CHD1: variants seen among roughly 807,000 people sequenced by gnomAD.
CHD1 encodes chromodomain helicase DNA binding protein 1.
Under a neutral mutation model 224.2 loss-of-function variants are expected in CHD1, and 36 were observed. The ratio of observed to expected loss-of-function variants is 0.16; its 90% CI spans 0.12 to 0.21. CHD1 has a LOEUF of 0.21. Among genes scored for constraint, CHD1 ranks in the 10% least tolerant of loss-of-function variants. The probability of loss-of-function intolerance (pLI) is 1.00; values close to 1 mark genes in which losing one functional copy is unlikely to be tolerated. For missense variants in CHD1, 1,378 were observed against 1,994.8 expected, an observed-to-expected ratio of 0.69 and a Z score of 5.89; for synonymous variants, 668 against 658.3, an observed-to-expected ratio of 1.01 and a Z score of -0.23.
intron 2 of CHD1, among the ~76,000 whole-genome samples, chr5:98,915,277 T>C (rs1752664965): frequency 6.6e-6 from 1 of 152,240 alleles, no homozygotes; most frequent in Admixed American, 6.5e-5. Context: ...CAACAGTTCC[T>C]TTCAGCATTC....
intron 18 of CHD1, among the ~76,000 whole-genome samples, chr5:98,883,450 T>C (rs973290986): frequency 5.3e-5 from 8 of 151,944 alleles, no homozygotes; most frequent in East Asian, 1.9e-4. Flanking sequence ...GAAAACGGGA[T>C]AGGAAAGGAA....
At chr5:98,865,974 G>A (rs1476786327) in intron 31 of CHD1, among the ~76,000 whole-genome samples, 1 of 152,042 alleles carries the variant, frequency 6.6e-6, no homozygotes, top group Non-Finnish European at 1.5e-5. Context: ...GGTGGCAAGA[G>A]ATACAATTTC....
At chr5:98,898,578 T>A in intron 9 of CHD1, 86 bp downstream of exon 9, 1 of 1,216,766 alleles carries the variant, frequency 8.2e-7, no homozygotes, top group Non-Finnish European at 1.2e-6. Context: ...GCTACTGTGT[T>A]TGATATGTAA....
At chr5:98,884,234 C>T (rs1750473676) in intron 18 of CHD1, among the ~76,000 whole-genome samples, 3 of 151,838 alleles carry the variant, frequency 2.0e-5, no homozygotes, top group Admixed American at 2.0e-4. Context: ...CCACTACGCC[C>T]AGCTAATTTT....
At position 98,856,339 on chromosome 5, in the gene CHD1, G is replaced by C. The variant is rs564481901; in HGVS notation, c.*41C>G. On this transcript the variant is annotated 3_prime_UTR_variant, in exon 36 of 36. Transcript: ENST00000614616. The stretch of plus-strand genomic sequence containing the variant: ...ATTACTGTGTTGGTTTATGATATAT[G>C]GCTAAAAGAAAAGTCCAGAAAGACG... 1 of 1,470,494 alleles carries C rather than the reference G, an allele frequency of 6.8e-7. No homozygotes were observed. Among genetic ancestry groups the C allele is most frequent in the Non-Finnish European group, 9.5e-7 (1 of 1,057,194 alleles). The allele number at this position is 1,470,494 out of a possible 1,614,324, so 91.1% of individuals were successfully genotyped here. A position where few individuals can be genotyped will look rare whatever the true frequency, so the allele number is the denominator to read the frequency against.
At chr5:98,891,467 G>A (rs774469600) in intron 15 of CHD1, among the ~76,000 whole-genome samples, 3 of 152,160 alleles carry the variant, frequency 2.0e-5, no homozygotes, top group Non-Finnish European at 4.4e-5. Context: ...GACAGGTACT[G>A]AGGGAAATGG....
intron 25 of CHD1, 141 bp downstream of exon 25, chr5:98,874,931 A>G (rs1361370598): frequency 1.1e-5 from 6 of 564,352 alleles, no homozygotes; most frequent in Non-Finnish European, 1.6e-5. Flanking sequence ...ACAATCTGAA[A>G]TTTCCCTTGT....
At chr5:98,922,056 G>C (rs1191465937) in intron 2 of CHD1, among the ~76,000 whole-genome samples, 2 of 152,098 alleles carry the variant, frequency 1.3e-5, no homozygotes, top group Admixed American at 6.6e-5. Context: ...AGGAGGCAGA[G>C]GCAGAAAACT....
At chr5:98,905,246 T>C (rs1343185275) in intron 2 of CHD1, 148 bp from the exon 3 acceptor site, 2 of 881,494 alleles carry the variant, frequency 2.3e-6, no homozygotes, top group African/African-American at 1.7e-5. Context: ...AAGGAATTGA[T>C]TTAATCTATA....
chr5:98,854,284 G>A lies in CHD1; in HGVS notation c.*2096C>T, dbSNP rs1302623886. 1 of 151,918 alleles carries A rather than the reference G, an allele frequency of 6.6e-6. No homozygotes were observed. Among genetic ancestry groups the A allele is most frequent in the Non-Finnish European group, 1.5e-5 (1 of 67,900 alleles). 9.4% of individuals were successfully genotyped at this position (151,918 alleles called of 1,614,324 possible). A position where few individuals can be genotyped will look rare whatever the true frequency, so the allele number is the denominator to read the frequency against. On this transcript the variant is annotated 3_prime_UTR_variant, in exon 36 of 36. Transcript: ENST00000614616. The stretch of plus-strand genomic sequence containing the variant: ...AGCTGACTGAAACTTTCAACTAAAT[G>A]TAGCACTATTTAAAAAATTAGAGCC...
intron 23 of CHD1, 132 bp from the exon 24 acceptor site, chr5:98,876,690 T>A (rs549174687): frequency 4.0e-6 from 3 of 747,036 alleles, no homozygotes; most frequent in South Asian, 3.9e-5. Flanking sequence ...ATAAACAAAA[T>A]TAAAGAGCAA....
intron 15 of CHD1, chr5:98,889,686 A>ATCTT (rs1750884350): frequency 6.6e-6 from 1 of 152,452 alleles, no homozygotes; most frequent in Admixed American, 6.5e-5. Flanking sequence ...TATAGAAAAC[A>ATCTT]TCTTGGTGAT....
intron 1 of CHD1, among the ~76,000 whole-genome samples, chr5:98,926,917 G>A (rs1430256237): frequency 1.0e-5 from 1 of 95,752 alleles, no homozygotes; most frequent in Non-Finnish European, 2.1e-5. Flanking sequence ...AATAAATGAA[G>A]TGGGGGGGGG....
rs747574528 is a variant in CHD1 at position 98,888,223 on chromosome 5, G to A, written c.2361C>T (p.Ser787=). 12 of 1,607,100 alleles carry A rather than the reference G, an allele frequency of 7.5e-6. No homozygotes were observed. The East Asian group carries it at 1.1e-4, about 15-fold the overall frequency. The change falls in exon 17 of 36, where the codon AGC becomes AGT. Residue 787 remains serine (S), a synonymous_variant. Coordinates refer to ENST00000614616, the MANE Select transcript of CHD1 (RefSeq NM_001270.4). ...GCTTGTCAAGAAGAATCAATTTTCC[G>A]CTACTACGAATTAAGTGCTACAGAA... ...QEALQHLIRS[S]GKLILLDKLL...
chr5:98,927,499 AC>A (rs1384265968), intron 1 of CHD1, among the ~76,000 whole-genome samples: 1 of 152,176 alleles, frequency 6.6e-6, no homozygotes, highest in Non-Finnish European at 1.5e-5. Flanking sequence ...ACAGATTGTT[AC>A]CAACTCAATG....
intron 2 of CHD1, among the ~76,000 whole-genome samples, chr5:98,924,339 G>C (rs1051172079): frequency 2.0e-5 from 3 of 152,192 alleles, no homozygotes; most frequent in African/African-American, 7.2e-5. Context: ...CATACCTATA[G>C]AGATTTGAAT....
At chr5:98,913,856 G>A (rs962972917) in intron 2 of CHD1, among the ~76,000 whole-genome samples, 1 of 151,920 alleles carries the variant, frequency 6.6e-6, no homozygotes, top group East Asian at 1.9e-4. Context: ...TACAAGTTAC[G>A]AATATATATG....
intron 2 of CHD1, among the ~76,000 whole-genome samples, chr5:98,909,601 A>T (rs1163760345): frequency 6.6e-6 from 1 of 152,168 alleles, no homozygotes; most frequent in East Asian, 1.9e-4. Flanking sequence ...TACCCAAAAC[A>T]TCTTTTCTTC....
At chr5:98,919,200 A>C (rs775410297) in intron 2 of CHD1, among the ~76,000 whole-genome samples, 12 of 152,186 alleles carry the variant, frequency 7.9e-5, no homozygotes, top group Non-Finnish European at 1.8e-4. Context: ...TTTAAGATGA[A>C]GGAATTGTTC....
Sources: gnomAD v4.1 joint callset for allele counts (sites outside exome capture counted in the v4.1 genomes callset) on GRCh38, gnomAD v4.1.1 for gene constraint, MANE v1.5 for transcripts, NCBI Gene and HGNC (gene_info 2026-07-23, HGNC 2026-07-21) for gene names.